SGCZ: variants seen among roughly 807,000 people sequenced by gnomAD.
The protein encoded by SGCZ is sarcoglycan zeta, also known as zeta-sarcoglycan.
SGCZ carries 40 observed loss-of-function variants against 41.3 expected under a neutral mutation model. The ratio of observed to expected loss-of-function variants is 0.97; its 90% CI spans 0.75 to 1.26. SGCZ has a LOEUF of 1.26. Among genes scored for constraint, SGCZ ranks in the 50% most tolerant of loss-of-function variants. SGCZ has a pLI of 0.00. For synonymous variants in SGCZ, 206 were observed against 137.5 expected, an observed-to-expected ratio of 1.50 and a Z score of -3.49; for missense variants, 552 against 369.8, an observed-to-expected ratio of 1.49 and a Z score of -4.04.
intron 1 of SGCZ, among the ~76,000 whole-genome samples, chr8:15,188,067 G>A (rs982389612): frequency 1.3e-5 from 2 of 151,856 alleles, no homozygotes; most frequent in Admixed American, 6.6e-5. Flanking sequence ...ATGTATGCTC[G>A]TTTAATTTTA....
At chr8:14,927,878 G>C (rs1799805625) in intron 1 of SGCZ, among the ~76,000 whole-genome samples, 1 of 152,112 alleles carries the variant, frequency 6.6e-6, no homozygotes, top group Non-Finnish European at 1.5e-5. Context: ...ACAGAAAAGA[G>C]GGAGAAAGAC....
rs527556395 is a variant in SGCZ, at chr8:14,088,301, T to C, written c.*2142A>G. ...TGCCTAAAACAGCTCAATTGATTAG[T>C]AGAAGACAGCTGAGATTAGAAACAG... On this transcript the variant is annotated 3_prime_UTR_variant, in exon 8 of 8. Transcript: ENST00000382080. 6.6e-6 allele frequency among the ~76,000 whole-genome samples: 1 copy of C among 151,954 alleles called. No individual in the cohort carries two copies. Among genetic ancestry groups the C allele is most frequent in the South Asian group, 2.1e-4 (1 of 4,820 alleles).
At chr8:14,324,858 C>G (rs1802039674) in intron 2 of SGCZ, among the ~76,000 whole-genome samples, 1 of 152,140 alleles carries the variant, frequency 6.6e-6, no homozygotes. Flanking sequence ...TAAACCATTT[C>G]TCATGGAAGA....
intron 1 of SGCZ, among the ~76,000 whole-genome samples, chr8:14,988,226 C>T (rs945358258): frequency 6.6e-6 from 1 of 151,026 alleles, no homozygotes; most frequent in Non-Finnish European, 1.5e-5. Flanking sequence ...AAAAATCAAT[C>T]ATATCCAATA....
chr8:14,546,281 T>C (rs1803624224), intron 2 of SGCZ, among the ~76,000 whole-genome samples: 1 of 152,096 alleles, frequency 6.6e-6, no homozygotes, highest in South Asian at 2.1e-4. Flanking sequence ...TGCCATGATG[T>C]GCGTGCTGAG....
intron 4 of SGCZ, among the ~76,000 whole-genome samples, chr8:14,199,033 C>T (rs746765700): frequency 2.0e-5 from 3 of 152,074 alleles, no homozygotes; most frequent in Non-Finnish European, 4.4e-5. Flanking sequence ...AATCTGGGCA[C>T]CTTAAGAAAA....
intron 1 of SGCZ, among the ~76,000 whole-genome samples, chr8:15,041,435 G>A (rs1303964329): frequency 6.6e-6 from 1 of 151,840 alleles, no homozygotes; most frequent in Non-Finnish European, 1.5e-5. Context: ...CAATAAAGAT[G>A]AATATTATTT....
intron 1 of SGCZ, among the ~76,000 whole-genome samples, chr8:15,210,759 C>T (rs1052285624): frequency 2.6e-5 from 4 of 152,122 alleles, no homozygotes; most frequent in African/African-American, 9.7e-5. Context: ...CTTAGCTGCA[C>T]CTCCTCTAGC....
chr8:14,874,642 G>A (rs1450320000), intron 1 of SGCZ, among the ~76,000 whole-genome samples: 1 of 152,122 alleles, frequency 6.6e-6, no homozygotes, highest in Non-Finnish European at 1.5e-5. Flanking sequence ...TAAATTCAGT[G>A]ACAGCAGTGT....
intron 2 of SGCZ, among the ~76,000 whole-genome samples, chr8:14,402,406 A>G (rs571833791): frequency 3.3e-5 from 5 of 151,776 alleles, no homozygotes; most frequent in South Asian, 2.1e-4. Context: ...TTCTTCTAGG[A>G]TTTTTATGGT....
chr8:14,139,257 G>A (rs1803294125), intron 5 of SGCZ, among the ~76,000 whole-genome samples: 2 of 152,132 alleles, frequency 1.3e-5, no homozygotes, highest in Non-Finnish European at 2.9e-5. Context: ...ATCTAAAATT[G>A]ACATCCTAAC....
intron 1 of SGCZ, among the ~76,000 whole-genome samples, chr8:14,823,430 C>G (rs972344032): frequency 6.6e-6 from 1 of 152,014 alleles, no homozygotes; most frequent in African/African-American, 2.4e-5. Flanking sequence ...GACCTTAACA[C>G]ACATTTCTCA....
At chr8:14,957,376 A>T (rs910887114) in intron 1 of SGCZ, among the ~76,000 whole-genome samples, 2 of 152,070 alleles carry the variant, frequency 1.3e-5, no homozygotes, top group African/African-American at 4.8e-5. Context: ...TGGGAAATTC[A>T]TATCTACCTT....
chr8:14,509,891 C>T (rs1323043472), intron 2 of SGCZ, among the ~76,000 whole-genome samples: 2 of 152,018 alleles, frequency 1.3e-5, no homozygotes, highest in Admixed American at 1.3e-4. Context: ...TTCATGAGAA[C>T]TCACTCACTA....
At chr8:14,600,332 G>A (rs553562509) in intron 1 of SGCZ, among the ~76,000 whole-genome samples, 125 of 152,212 alleles carry the variant, frequency 8.2e-4, no homozygotes, top group African/African-American at 2.9e-3. Context: ...TGATGACTCA[G>A]AAGGGTAAAT....
At chr8:14,764,386 G>C (rs1345267152) in intron 1 of SGCZ, among the ~76,000 whole-genome samples, 1 of 152,096 alleles carries the variant, frequency 6.6e-6, no homozygotes, top group Non-Finnish European at 1.5e-5. Flanking sequence ...TACAATAAAA[G>C]AAACTAATGG....
chr8:14,821,213 G>C (rs1323653353), intron 1 of SGCZ, among the ~76,000 whole-genome samples: 1 of 151,942 alleles, frequency 6.6e-6, no homozygotes, highest in African/African-American at 2.4e-5. Flanking sequence ...AAATTTGATA[G>C]CACAGAAGAA....
At position 14,467,602 on chromosome 8, in the gene SGCZ, A is replaced by C. The variant is rs371990412; in HGVS notation, c.234+87130T>G. Among the ~76,000 whole-genome samples the C allele has an allele frequency of 1.1e-4, 16 of 152,196 alleles. No homozygotes were observed. The East Asian group carries it at 2.3e-3, about 22-fold the overall frequency. On this transcript the variant is annotated intron_variant, in intron 2 of 7. Transcript: ENST00000382080. ...TGAAATTAACTACAATTTACCATCCAAACCTTGTTCCAGAAATTGCAAGTC... is the reference window on the plus strand; with the variant it reads ...TGAAATTAACTACAATTTACCATCCCAACCTTGTTCCAGAAATTGCAAGTC...
At chr8:14,148,055 A>T (rs759933049) in intron 5 of SGCZ, among the ~76,000 whole-genome samples, 1 of 152,142 alleles carries the variant, frequency 6.6e-6, no homozygotes, top group Non-Finnish European at 1.5e-5. Flanking sequence ...CAGCAAAAAT[A>T]GTACTCAGAG....
Sources: gnomAD v4.1 joint callset for allele counts (sites outside exome capture counted in the v4.1 genomes callset) on GRCh38, gnomAD v4.1.1 for gene constraint, MANE v1.5 for transcripts, NCBI Gene and HGNC (gene_info 2026-07-23, HGNC 2026-07-21) for gene names.